The following SHKBP1 variants were observed in gnomAD, a reference collection of about 807,000 sequenced individuals.
SHKBP1 encodes SH3KBP1 binding protein 1.
SHKBP1 carries 71 observed loss-of-function variants against 83.9 expected under a neutral mutation model. The ratio of observed to expected loss-of-function variants is 0.85; its 90% CI spans 0.70 to 1.03. The LOEUF (loss-of-function observed/expected upper bound fraction) is 1.03, where lower values mean the gene tolerates loss of function less well. Among genes scored for constraint, SHKBP1 ranks in the 50% least tolerant of loss-of-function variants. The probability of loss-of-function intolerance (pLI) is 0.00; values close to 1 mark genes in which losing one functional copy is unlikely to be tolerated. For synonymous variants in SHKBP1, 371 were observed against 398.0 expected (o/e 0.93, Z 0.81); for missense variants, 824 against 982.4 (o/e 0.84, Z 2.16).
At chr19:40,583,527 T>C in intron 11 of SHKBP1, 42 bp downstream of exon 11, 15 of 1,610,354 alleles carry the variant, frequency 9.3e-6, no homozygotes, top group Non-Finnish European at 1.2e-5. Context: ...GACCCTCCCC[T>C]GGGAGAGGGG....
intron 12 of SHKBP1, among the ~76,000 whole-genome samples, chr19:40,584,702 A>G (rs1439489346): frequency 6.6e-6 from 1 of 152,048 alleles, no homozygotes; most frequent in East Asian, 1.9e-4. Context: ...GCTCACTGCA[A>G]TCTCTGCCTC....
chr19:40,578,494 C>T lies in SHKBP1; in HGVS notation c.352C>T (p.Arg118Ter), dbSNP rs775183316. The T allele has an allele frequency of 5.6e-6, 9 of 1,614,028 alleles. No homozygotes were observed. Among genetic ancestry groups the T allele is most frequent in the East Asian group, 2.2e-5 (1 of 44,892 alleles). The change falls in exon 6 of 18, where the codon CGA becomes TGA. Residue 118 changes from arginine (R) to a stop codon, truncating the protein, a stop_gained. Coordinates refer to ENST00000291842, the MANE Select transcript of SHKBP1 (RefSeq NM_138392.4). LOFTEE classifies it high-confidence loss of function. ...RRLQLREELD[R>*]SSCGNVLFNG... is the part of the protein sequence containing the mutation. ...CCTGCAGCTTCGAGAGGAGTTGGATCGATCTTCTTGTGGAAACGTCCTCTT... is the reference window on the plus strand; with the variant it reads ...CCTGCAGCTTCGAGAGGAGTTGGATTGATCTTCTTGTGGAAACGTCCTCTT...
chr19:40,580,254 A>C, intron 6 of SHKBP1, 70 bp from the exon 7 acceptor site: 2 of 1,540,654 alleles, frequency 1.3e-6, no homozygotes, highest in Middle Eastern at 1.7e-4. Context: ...TCACCGTCAT[A>C]TTTTAAGTGC....
chr19:40,591,330 C>T lies in SHKBP1; in HGVS notation c.*123C>T. On this transcript the variant is annotated 3_prime_UTR_variant, in exon 18 of 18. Transcript: ENST00000291842. ...TCCTTGGAATAAATGGTTATTGTTA[C>T]TAGGTCCCCACCTTCCCTCTTTTCT... 1 of 820,026 alleles carries T rather than the reference C, an allele frequency of 1.2e-6. No homozygotes were observed. The highest frequency in any genetic ancestry group is 2.9e-5 in the East Asian group (1 of 34,196). The allele number at this position is 820,026 out of a possible 1,614,324, so 50.8% of individuals were successfully genotyped here.
In SHKBP1 at chr19:40,590,512, G is replaced by C. The variant is rs150794571; in HGVS notation, c.1768+90G>C. 1.9e-4 allele frequency: 277 copies of C among 1,456,622 alleles called. No individual in the cohort carries two copies. The African/African-American group carries it at 3.6e-3, about 19-fold the overall frequency. The allele number at this position is 1,456,622 out of a possible 1,614,324, so 90.2% of individuals were successfully genotyped here. A position where few individuals can be genotyped will look rare whatever the true frequency, so the allele number is the denominator to read the frequency against. On this transcript the variant is annotated intron_variant, in intron 16 of 17. Coordinates refer to ENST00000291842, the MANE Select transcript of SHKBP1 (RefSeq NM_138392.4). This position sits in a 1 kb window ranked among gnomAD's most constrained non-coding sequence, Gnocchi z 4.6. ...TGCCAACTGCTTGATCTCTCTCCCA[G>C]GCCCTTGCCCTCTGACCCCTTTTCC...
At chr19:40,586,729 G>A in intron 12 of SHKBP1, 45 bp from the exon 13 acceptor site, 2 of 1,454,070 alleles carry the variant, frequency 1.4e-6, no homozygotes, top group Non-Finnish European at 1.8e-6. Context: ...CCTGGTTTCT[G>A]TCTCTGTGGC....
At chr19:40,578,997 A>G (rs571622098) in intron 6 of SHKBP1, among the ~76,000 whole-genome samples, 23 of 152,300 alleles carry the variant, frequency 1.5e-4, no homozygotes, top group African/African-American at 4.1e-4. Context: ...TTATTTCCCT[A>G]ACTGCAGTCA....
intron 6 of SHKBP1, among the ~76,000 whole-genome samples, chr19:40,578,927 T>C (rs1251463408): frequency 2.0e-5 from 3 of 152,096 alleles, no homozygotes; most frequent in African/African-American, 7.2e-5. Context: ...CCAGTGGTTA[T>C]TGGAACTAGG....
intron 5 of SHKBP1, 33 bp downstream of exon 5, chr19:40,578,245 G>T (rs763984821): frequency 6.2e-7 from 1 of 1,606,470 alleles, no homozygotes; most frequent in Admixed American, 1.7e-5. Context: ...CATCCTCATT[G>T]TATAGAAAAC....
Position 40,577,780 on chromosome 19 carries a change from G to C in SHKBP1, c.260+150G>C, listed in dbSNP as rs995276208. The C allele has an allele frequency of 3.1e-6, 3 of 962,096 alleles. No individual in the cohort carries two copies. In the Admixed American group the frequency reaches 6.0e-5, roughly 19 times the overall value. The allele number at this position is 962,096 out of a possible 1,614,324, so 59.6% of individuals were successfully genotyped here. A position where few individuals can be genotyped will look rare whatever the true frequency, so the allele number is the denominator to read the frequency against. ...GGCCGGGCGCGCCGGGATTGCTCAC[G>C]CCTGTAATCCCAACACTTTGGGAGG... On this transcript the variant is annotated intron_variant, in intron 4 of 17. Coordinates refer to ENST00000291842, the MANE Select transcript of SHKBP1 (RefSeq NM_138392.4).
At chr19:40,581,547 A>T (rs2145982194) in intron 9 of SHKBP1, among the ~76,000 whole-genome samples, 1 of 151,702 alleles carries the variant, frequency 6.6e-6, no homozygotes, top group South Asian at 2.1e-4. Flanking sequence ...AAACAAAAAA[A>T]GAAATCTCTG....
intron 6 of SHKBP1, among the ~76,000 whole-genome samples, chr19:40,579,250 G>A (rs1383724892): frequency 6.6e-6 from 1 of 151,994 alleles, no homozygotes; most frequent in African/African-American, 2.4e-5. Flanking sequence ...CTGAGTAGCT[G>A]AGACTACAAG....
rs141174643 is a variant in SHKBP1 at position 40,580,806 on chromosome 19, C to A, written c.714C>A (p.Ile238=). The A allele has an allele frequency of 1.9e-6, 3 of 1,612,882 alleles. No homozygotes were observed. The highest frequency in any genetic ancestry group is 1.1e-5 in the South Asian group (1 of 90,906). The change falls in exon 9 of 18, where the codon ATC becomes ATA. Residue 238 remains isoleucine, a synonymous_variant. Coordinates refer to ENST00000291842, the MANE Select transcript of SHKBP1 (RefSeq NM_138392.4). The part of the protein sequence containing the change: ...VFSSPRLDWP[I]ERLALTARVH... ...CCAGCCCCCGCCTGGACTGGCCCAT[C>A]GAACGACTGGCGCTCACAGCCCGGG...
Position 40,589,104 on chromosome 19 carries a change from C to T in SHKBP1, c.1515C>T (p.Asp505=), listed in dbSNP as rs780061946. 1 of 1,613,232 alleles carries T rather than the reference C, an allele frequency of 6.2e-7. No individual in the cohort carries two copies. The highest frequency in any genetic ancestry group is 8.5e-7 in the Non-Finnish European group (1 of 1,180,002). The change falls in exon 15 of 18, where the codon GAC becomes GAT. Residue 505 remains aspartate (D), a synonymous_variant. Coordinates refer to ENST00000291842, the MANE Select transcript of SHKBP1 (RefSeq NM_138392.4). ...CAGGCCCCTACGGTGAGCGGGACGA[C>T]CAGCAAGTGTTCATCCAGAAGGTGG... ...NDIGPYGERD[D]QQVFIQKVVP... is the part of the protein sequence containing the mutation.
Position 40,586,901 on chromosome 19 carries a change from C to T in SHKBP1, c.1293C>T (p.Ser431=). ...QLFQTFTVHR[S]PVTKIMLSEK... ...TCCAGACCTTCACTGTGCACCGCAG[C>T]CCTGTCACCAAGATCATGCTGTCGG... is the stretch of plus-strand genomic sequence containing the variant. The change falls in exon 13 of 18, where the codon AGC becomes AGT. Residue 431 remains serine (S), a synonymous_variant. Coordinates refer to ENST00000291842, the MANE Select transcript of SHKBP1 (RefSeq NM_138392.4). 2 of 1,610,412 alleles carry T rather than the reference C, an allele frequency of 1.2e-6. No homozygotes were observed. Among genetic ancestry groups the T allele is most frequent in the Non-Finnish European group, 1.7e-6 (2 of 1,177,450 alleles).
rs1047194014 is a variant in SHKBP1, at chr19:40,578,460, A to G, written c.320-2A>G. 6.2e-7 allele frequency: 1 copy of G among 1,614,154 alleles called. No individual in the cohort carries two copies. The highest frequency in any genetic ancestry group is 8.5e-7 in the Non-Finnish European group (1 of 1,180,018). Reference sequence around the variant, plus strand: ...CCCAGCCTTTAAGTCCTCCTGTTGCAGTTCGTCGCCTGCAGCTTCGAGAGG... The same window carrying G: ...CCCAGCCTTTAAGTCCTCCTGTTGCGGTTCGTCGCCTGCAGCTTCGAGAGG... On this transcript the variant is annotated splice_acceptor_variant, in intron 5 of 17. Coordinates refer to ENST00000291842, the MANE Select transcript of SHKBP1 (RefSeq NM_138392.4). LOFTEE classifies it high-confidence loss of function.
Position 40,591,014 on chromosome 19 carries a change from ACCGTGGGAG to A in SHKBP1, c.1934_1942del (p.Arg645_Ser647del). The A allele has an allele frequency of 6.2e-7, 1 of 1,611,812 alleles. No individual in the cohort carries two copies. The highest frequency in any genetic ancestry group is 2.2e-5 in the East Asian group (1 of 44,760). ...TCCAGCAACACCTCCTTGTCTGGCC[ACCGTGGGAG>A]CCCAAGCCCCCCGCAGGCTGAGGCC... On this transcript the variant is annotated inframe_deletion, in exon 18 of 18. Coordinates refer to ENST00000291842, the MANE Select transcript of SHKBP1 (RefSeq NM_138392.4).
intron 6 of SHKBP1, 197 bp from the exon 7 acceptor site, chr19:40,580,127 C>T (rs2081255536): frequency 6.8e-6 from 4 of 587,604 alleles, no homozygotes; most frequent in South Asian, 6.3e-5. Flanking sequence ...CTGTGCTGGG[C>T]TCAAGGGAAC....
chr19:40,589,083 C>T lies in SHKBP1; in HGVS notation c.1494C>T (p.Gly498=), dbSNP rs1273182111. ...GACCCCTGCCCCTGCCTGGCCCAGG[C>T]CCCTACGGTGAGCGGGACGACCAGC... ...HGGCSAGNDI[G]PYGERDDQQV... is the part of the protein sequence containing the mutation. Residue 498 remains glycine, a splice_region_variant and synonymous_variant, in exon 15 of 18, where the codon GGC becomes GGT. Coordinates refer to ENST00000291842, the MANE Select transcript of SHKBP1 (RefSeq NM_138392.4). 7.4e-6 allele frequency: 12 copies of T among 1,611,902 alleles called. No individual in the cohort carries two copies. The highest frequency in any genetic ancestry group is 1.1e-5 in the South Asian group (1 of 91,078).
Sources: allele counts gnomAD v4.1 joint callset (sites outside exome capture counted in the v4.1 genomes callset), GRCh38; gene constraint gnomAD v4.1.1; non-coding constraint Gnocchi (gnomAD v3.1); transcripts MANE v1.5; gene names NCBI Gene and HGNC (gene_info 2026-07-23, HGNC 2026-07-21).